Variants in PLCL1 observed in about 807,000 individuals in gnomAD.
PLCL1 encodes inactive phospholipase C-like protein 1.
PLCL1 carries 41 observed loss-of-function variants against 84.4 expected under a neutral mutation model. The observed-to-expected ratio is 0.49, with a 90% CI of 0.38 to 0.63. PLCL1 has a LOEUF of 0.63. PLCL1 is among the 30% of genes least tolerant of loss of function. The pLI is 0.00. For missense variants in PLCL1, 1,206 were observed against 1,367.8 expected (o/e 0.88, Z 1.87); for synonymous variants, 490 against 488.3 (o/e 1.00, Z -0.05).
chr2:198,018,986 G>A (rs1350345644), intron 1 of PLCL1, among the ~76,000 whole-genome samples: 2 of 152,110 alleles, frequency 1.3e-5, no homozygotes, highest in African/African-American at 2.4e-5. Context: ...GGGGAGTTCC[G>A]GCTGGCATCT....
At chr2:197,952,056 C>T (rs1689400577) in intron 1 of PLCL1, among the ~76,000 whole-genome samples, 2 of 152,156 alleles carry the variant, frequency 1.3e-5, no homozygotes, top group Admixed American at 1.3e-4. Context: ...TGACCCCTAA[C>T]TGAGCAAACA....
chr2:197,813,651 T>C (rs888826667), intron 1 of PLCL1, among the ~76,000 whole-genome samples: 2 of 152,086 alleles, frequency 1.3e-5, no homozygotes, highest in Non-Finnish European at 2.9e-5. Context: ...GTATGATGAG[T>C]CTAGCATTGT....
chr2:197,875,642 C>G (rs556315077), intron 1 of PLCL1, among the ~76,000 whole-genome samples: 1 of 151,888 alleles, frequency 6.6e-6, no homozygotes, highest in African/African-American at 2.4e-5. Context: ...ACTCTTTGCT[C>G]CCGACATAAC....
chr2:198,094,110 G>A (rs1425761724), intron 3 of PLCL1, among the ~76,000 whole-genome samples: 5 of 152,072 alleles, frequency 3.3e-5, no homozygotes, highest in Non-Finnish European at 7.4e-5. Flanking sequence ...CGCCCAGACT[G>A]GAGTACAGTG....
At chr2:197,912,830 T>C (rs1259715343) in intron 1 of PLCL1, among the ~76,000 whole-genome samples, 1 of 128,328 alleles carries the variant, frequency 7.8e-6, no homozygotes, top group African/African-American at 3.0e-5. Flanking sequence ...AGGGATAGCA[T>C]TGGGAGATAT....
intron 5 of PLCL1, among the ~76,000 whole-genome samples, chr2:198,120,645 C>T (rs1439625480): frequency 7.2e-5 from 11 of 152,012 alleles, no homozygotes; most frequent in Non-Finnish European, 4.4e-5. Context: ...TTGCAAATGA[C>T]AGGATCTCAA....
chr2:197,935,435 T>A (rs575339124), intron 1 of PLCL1, among the ~76,000 whole-genome samples: 1 of 151,968 alleles, frequency 6.6e-6, no homozygotes, highest in Non-Finnish European at 1.5e-5. Context: ...TATGTAACCA[T>A]AAAAAGAACA....
chr2:197,995,997 G>T (rs576046932), intron 1 of PLCL1, among the ~76,000 whole-genome samples: 1 of 152,324 alleles, frequency 6.6e-6, no homozygotes, highest in Admixed American at 6.5e-5. Context: ...TTGTATTTGG[G>T]AAGTGGGGAT....
intron 1 of PLCL1, among the ~76,000 whole-genome samples, chr2:197,869,812 A>T (rs1422085085): frequency 6.6e-6 from 1 of 152,178 alleles, no homozygotes; most frequent in Non-Finnish European, 1.5e-5. Context: ...CAGCAGCAAC[A>T]GCTCATAGTA....
At chr2:198,013,686 A>C (rs1690922525) in intron 1 of PLCL1, among the ~76,000 whole-genome samples, 2 of 152,154 alleles carry the variant, frequency 1.3e-5, no homozygotes, top group South Asian at 4.1e-4. Flanking sequence ...CATATAAGAA[A>C]GCTGTGAGAA....
At chr2:197,853,136 A>G (rs1343607679) in intron 1 of PLCL1, among the ~76,000 whole-genome samples, 1 of 152,198 alleles carries the variant, frequency 6.6e-6, no homozygotes, top group Non-Finnish European at 1.5e-5. Context: ...TTTTATGACT[A>G]GCTTATTTCA....
intron 5 of PLCL1, among the ~76,000 whole-genome samples, chr2:198,107,853 A>AACAAGAG (rs1693526730): frequency 6.6e-6 from 1 of 151,846 alleles, no homozygotes; most frequent in South Asian, 2.1e-4. Flanking sequence ...ACTACTACTA[A>AACAAGAG]ACAAGAGTAG....
chr2:197,818,422 G>C lies in PLCL1; in HGVS notation c.240+13083G>C, dbSNP rs185538966. ...GGACAAAGTAGACTTGGAGGTTGGG[G>C]CGGGGGGTGTTTGTGGTTCCTGAAG... is the stretch of plus-strand genomic sequence containing the variant. On this transcript the variant is annotated intron_variant, in intron 1 of 5. Coordinates refer to ENST00000428675, the MANE Select transcript of PLCL1 (RefSeq NM_006226.4). Among the ~76,000 whole-genome samples the C allele has an allele frequency of 1.9e-3, 291 of 152,212 alleles. 1 individual carries two copies. Among genetic ancestry groups the C allele is most frequent in the African/African-American group, 6.8e-3 (283 of 41,542 alleles).
At chr2:198,104,104 C>CG (rs1038823395) in intron 5 of PLCL1, among the ~76,000 whole-genome samples, 168 bp downstream of exon 5, 2 of 151,698 alleles carry the variant, frequency 1.3e-5, no homozygotes, top group African/African-American at 4.8e-5. Context: ...CTGTGTGTCG[C>CG]GGGGGGCTGG....
At chr2:197,964,847 TG>T (rs1689696370) in intron 1 of PLCL1, among the ~76,000 whole-genome samples, 1 of 152,216 alleles carries the variant, frequency 6.6e-6, no homozygotes, top group Admixed American at 6.5e-5. Context: ...AATAATCATA[TG>T]TTTTTTATCT....
At chr2:198,092,718 T>A (rs991974537) in intron 3 of PLCL1, among the ~76,000 whole-genome samples, 1 of 152,244 alleles carries the variant, frequency 6.6e-6, no homozygotes, top group African/African-American at 2.4e-5. Context: ...CACATAGCCA[T>A]GTTTTATTTC....
At chr2:198,142,751 G>A (rs1270986315) in intron 5 of PLCL1, among the ~76,000 whole-genome samples, 1 of 151,838 alleles carries the variant, frequency 6.6e-6, no homozygotes, top group African/African-American at 2.4e-5. Context: ...TCTACCTGAG[G>A]CGCTCTCTAT....
At chr2:198,073,410 T>A (rs952981111) in intron 1 of PLCL1, among the ~76,000 whole-genome samples, 2 of 152,178 alleles carry the variant, frequency 1.3e-5, no homozygotes, top group Non-Finnish European at 2.9e-5. Flanking sequence ...TCAGAGGTAA[T>A]GCAATAAGGA....
chr2:197,943,886 C>T (rs2105776963), intron 1 of PLCL1, among the ~76,000 whole-genome samples: 1 of 152,290 alleles, frequency 6.6e-6, no homozygotes, highest in South Asian at 2.1e-4. Flanking sequence ...TTTACCAGCT[C>T]CTTTTTCATT....
Sources: allele counts gnomAD v4.1 joint callset (sites outside exome capture counted in the v4.1 genomes callset), GRCh38; gene constraint gnomAD v4.1.1; transcripts MANE v1.5; gene names NCBI Gene and HGNC (gene_info 2026-07-23, HGNC 2026-07-21).